The following ARSB variants were observed in gnomAD, a reference collection of about 807,000 sequenced individuals.
The protein encoded by ARSB is arylsulfatase B.
In ARSB, 41 loss-of-function variants were observed where a neutral mutation model predicts 50.9. The ratio of observed to expected loss-of-function variants is 0.81; its 90% CI spans 0.63 to 1.04. ARSB has a LOEUF of 1.04. ARSB is among the 50% of genes least tolerant of loss of function. The pLI, the probability that ARSB is intolerant of heterozygous loss-of-function variation, is 0.00. For synonymous variants in ARSB, 269 were observed against 284.8 expected (o/e 0.94, Z 0.56); for missense variants, 672 against 693.3 (o/e 0.97, Z 0.35).
At chr5:78,942,050 A>AT (rs1469411590) in intron 4 of ARSB, among the ~76,000 whole-genome samples, 1 of 151,896 alleles carries the variant, frequency 6.6e-6, no homozygotes, top group Non-Finnish European at 1.5e-5. Context: ...TTTCTTCTAG[A>AT]TTTTCTAGTT....
chr5:78,792,327 C>A (rs1337098138), intron 6 of ARSB, among the ~76,000 whole-genome samples: 16 of 150,300 alleles, frequency 1.1e-4, no homozygotes, highest in Non-Finnish European at 4.4e-5. Flanking sequence ...TGCAGCGAGC[C>A]GAGATCGCAT....
intron 5 of ARSB, among the ~76,000 whole-genome samples, chr5:78,865,881 G>A (rs200726631): frequency 6.6e-6 from 1 of 152,144 alleles, no homozygotes; most frequent in Non-Finnish European, 1.5e-5. Flanking sequence ...CCCAACAAGT[G>A]CCTCATCTCC....
chr5:78,781,626 T>C (rs1396929712), intron 7 of ARSB, among the ~76,000 whole-genome samples: 2 of 152,182 alleles, frequency 1.3e-5, no homozygotes, highest in Admixed American at 1.3e-4. Context: ...ATTTCAGGTA[T>C]CTGAGCAAAG....
intron 4 of ARSB, among the ~76,000 whole-genome samples, chr5:78,922,564 C>T (rs554227525): frequency 2.4e-4 from 37 of 152,006 alleles, no homozygotes; most frequent in Middle Eastern, 6.8e-3. Context: ...GCAGTACTTG[C>T]AGTAGGCCTT....
At chr5:78,872,239 A>G (rs1747233389) in intron 5 of ARSB, among the ~76,000 whole-genome samples, 1 of 151,568 alleles carries the variant, frequency 6.6e-6, no homozygotes, top group African/African-American at 2.4e-5. Context: ...TAGTTCAACC[A>G]TTGTGGAAGT....
intron 5 of ARSB, among the ~76,000 whole-genome samples, chr5:78,862,904 T>G (rs1429685343): frequency 1.3e-5 from 2 of 152,002 alleles, no homozygotes; most frequent in East Asian, 3.9e-4. Context: ...TAAACAAATT[T>G]ATAGGAAAAA....
chr5:78,831,941 G>A (rs1744713527), intron 6 of ARSB, among the ~76,000 whole-genome samples: 1 of 152,126 alleles, frequency 6.6e-6, no homozygotes, highest in Non-Finnish European at 1.5e-5. Flanking sequence ...GTTCTCATTA[G>A]ACTGATTCTA....
Position 78,885,578 on chromosome 5 carries a change from AGGTACCTGAT to A in ARSB, c.1138_1142+5del. On this transcript the variant is annotated splice_donor_variant and splice_donor_5th_base_variant and coding_sequence_variant and intron_variant, in exon 5 of 8. Transcript: ENST00000264914. LOFTEE classifies it high-confidence loss of function. ...CCTGGGAGGAAAAAGGGCAGGGTGT[AGGTACCTGAT>A]GGTTTTCCACACGTCGAAGCCATCC... The A allele has an allele frequency of 6.2e-7, 1 of 1,613,208 alleles. No individual in the cohort carries two copies. Among genetic ancestry groups the A allele is most frequent in the African/African-American group, 1.3e-5 (1 of 75,012 alleles).
chr5:78,807,266 T>A (rs1304596945), intron 6 of ARSB, among the ~76,000 whole-genome samples: 1 of 152,200 alleles, frequency 6.6e-6, no homozygotes, highest in Non-Finnish European at 1.5e-5. Context: ...GCCCTCCACA[T>A]TTTATGTTCC....
At chr5:78,954,813 A>T (rs1751647710) in intron 4 of ARSB, among the ~76,000 whole-genome samples, 1 of 152,206 alleles carries the variant, frequency 6.6e-6, no homozygotes, top group Admixed American at 6.6e-5. Context: ...CCCCAAAAAC[A>T]ATTTTAATAC....
At chr5:78,977,369 G>A (rs1752714894) in intron 1 of ARSB, among the ~76,000 whole-genome samples, 1 of 152,086 alleles carries the variant, frequency 6.6e-6, no homozygotes, top group African/African-American at 2.4e-5. Context: ...GGCCAGGCTG[G>A]TCTCAAACTC....
intron 4 of ARSB, among the ~76,000 whole-genome samples, chr5:78,888,772 T>G (rs1301325484): frequency 6.6e-6 from 1 of 152,260 alleles, no homozygotes; most frequent in Admixed American, 6.5e-5. Flanking sequence ...CTTTTGCTAC[T>G]GTAGGAAAGG....
At chr5:78,942,839 A>G (rs1457728264) in intron 4 of ARSB, among the ~76,000 whole-genome samples, 1 of 152,066 alleles carries the variant, frequency 6.6e-6, no homozygotes, top group African/African-American at 2.4e-5. Flanking sequence ...TATCCTTGTT[A>G]ACTTTCTGTC....
intron 6 of ARSB, chr5:78,783,642 G>C (rs1333575117): frequency 6.6e-6 from 1 of 152,112 alleles, no homozygotes; most frequent in Non-Finnish European, 1.5e-5. Context: ...ACAGACTGTG[G>C]TAAAACTGTG....
At chr5:78,830,888 T>G (rs1021971947) in intron 6 of ARSB, among the ~76,000 whole-genome samples, 1 of 152,164 alleles carries the variant, frequency 6.6e-6, no homozygotes, top group African/African-American at 2.4e-5. Flanking sequence ...TCTGACCTAG[T>G]ACAGGCAGGC....
intron 4 of ARSB, among the ~76,000 whole-genome samples, chr5:78,904,226 TTATC>T (rs1748932307): frequency 6.6e-6 from 1 of 152,248 alleles, no homozygotes; most frequent in African/African-American, 2.4e-5. Context: ...CCACATCTGT[TTATC>T]TATTTGCTAG....
intron 5 of ARSB, among the ~76,000 whole-genome samples, chr5:78,879,593 A>C (rs895285614): frequency 1.3e-5 from 2 of 152,370 alleles, no homozygotes; most frequent in African/African-American, 4.8e-5. Flanking sequence ...ATTTTCAAAA[A>C]CTACCATCAT....
intron 6 of ARSB, 132 bp downstream of exon 6, chr5:78,839,224 T>G (rs1202818478): frequency 3.7e-6 from 3 of 816,214 alleles, no homozygotes; most frequent in African/African-American, 3.4e-5. Context: ...GCGGGAGATA[T>G]GTCCCGAAGA....
At chr5:78,790,363 G>A (rs1017020064) in intron 6 of ARSB, among the ~76,000 whole-genome samples, 1 of 152,092 alleles carries the variant, frequency 6.6e-6, no homozygotes, top group African/African-American at 2.4e-5. Flanking sequence ...TAAATGCAAC[G>A]ATACATTAAA....
Sources: allele counts gnomAD v4.1 joint callset (sites outside exome capture counted in the v4.1 genomes callset), GRCh38; gene constraint gnomAD v4.1.1; transcripts MANE v1.5; gene names NCBI Gene and HGNC (gene_info 2026-07-23, HGNC 2026-07-21).